STAG1: variants seen among roughly 807,000 people sequenced by gnomAD.
STAG1 encodes the protein cohesin subunit SA-1.
In STAG1, 26 loss-of-function variants were observed where a neutral mutation model predicts 170.9. That is an observed-to-expected ratio of 0.15 (90% confidence interval 0.11 to 0.21). The LOEUF is 0.21. STAG1 is among the 10% of genes least tolerant of loss of function. The probability of loss-of-function intolerance (pLI) is 1.00; values close to 1 mark genes in which losing one functional copy is unlikely to be tolerated. For synonymous variants in STAG1, 514 were observed against 497.7 expected (o/e 1.03, Z -0.44); for missense variants, 964 against 1,509.5 (o/e 0.64, Z 5.99).
intron 22 of STAG1, among the ~76,000 whole-genome samples, chr3:136,387,175 A>G (rs1158176801): frequency 6.6e-6 from 1 of 152,244 alleles, no homozygotes; most frequent in African/African-American, 2.4e-5. Context: ...CAGATAGTAA[A>G]TATTTTAGGC....
chr3:136,507,715 C>T (rs1174530339), intron 7 of STAG1, among the ~76,000 whole-genome samples: 1 of 152,040 alleles, frequency 6.6e-6, no homozygotes, highest in Non-Finnish European at 1.5e-5. Context: ...CTACTCATCA[C>T]TATTTTTTAA....
intron 1 of STAG1, among the ~76,000 whole-genome samples, chr3:136,659,475 C>T (rs1941502881): frequency 6.6e-6 from 1 of 152,160 alleles, no homozygotes; most frequent in Admixed American, 6.5e-5. Flanking sequence ...GTTGCCATAG[C>T]AACAGCTGCT....
At chr3:136,361,349 T>C (rs1415613290) in intron 26 of STAG1, among the ~76,000 whole-genome samples, 1 of 152,236 alleles carries the variant, frequency 6.6e-6, no homozygotes, top group African/African-American at 2.4e-5. Context: ...TTCCAGTTTG[T>C]TACTATTACA....
chr3:136,509,795 C>A (rs1933955147), intron 7 of STAG1, among the ~76,000 whole-genome samples: 1 of 152,180 alleles, frequency 6.6e-6, no homozygotes, highest in Non-Finnish European at 1.5e-5. Context: ...ATTTGCATTT[C>A]TGTCTTGCTA....
At position 136,568,782 on chromosome 3, in the gene STAG1, T is replaced by C; in HGVS notation, c.377A>G (p.Gln126Arg). ...TTCTGTACCTCGACATCCTGAACACTGGATAAAAAAGTTGATTAAATCCAG... is the reference window on the plus strand; with the variant it reads ...TTCTGTACCTCGACATCCTGAACACCGGATAAAAAAGTTGATTAAATCCAG... ...ALLDLINFFI[Q>R]CSGCRGTVRI... The change falls in exon 5 of 34, where the codon CAG becomes CGG. Residue 126 changes from glutamine to arginine, a missense_variant. By Grantham distance (43) the Gln-to-Arg change is conservative. Coordinates refer to ENST00000383202, the MANE Select transcript of STAG1 (RefSeq NM_005862.3). 6.2e-7 allele frequency: 1 copy of C among 1,611,722 alleles called. No individual in the cohort carries two copies. Among genetic ancestry groups the C allele is most frequent in the Non-Finnish European group, 8.5e-7 (1 of 1,178,930 alleles).
At position 136,571,818 on chromosome 3, in the gene STAG1, C is replaced by T. The variant is rs183403542; in HGVS notation, c.298-2957G>A. On this transcript the variant is annotated intron_variant, in intron 4 of 33. Transcript: ENST00000383202. ...ATCACTTGAGCCCAGGAGTTTGAGG[C>T]TACAGTGAACTATTACCATGCTAAC... Among the ~76,000 whole-genome samples, 1,102 of 152,168 alleles carry T rather than the reference C, an allele frequency of 7.2e-3. 15 individuals carry two copies. The highest frequency in any genetic ancestry group is 0.024 in the African/African-American group (992 of 41,532).
intron 6 of STAG1, among the ~76,000 whole-genome samples, chr3:136,540,323 C>CA (rs34451527): frequency 3.1e-3 from 380 of 123,306 alleles, no homozygotes; most frequent in South Asian, 0.018. Flanking sequence ...TACTATCAAA[C>CA]AAAAAAAAAA....
At chr3:136,473,215 A>C (rs1347916166) in intron 11 of STAG1, among the ~76,000 whole-genome samples, 2 of 152,184 alleles carry the variant, frequency 1.3e-5, no homozygotes, top group African/African-American at 4.8e-5. Flanking sequence ...GTTGCAGGAA[A>C]ACAAGTTCAG....
intron 4 of STAG1, among the ~76,000 whole-genome samples, chr3:136,585,960 G>T (rs1282239050): frequency 6.6e-6 from 1 of 152,142 alleles, no homozygotes; most frequent in Non-Finnish European, 1.5e-5. Flanking sequence ...AATTTATTGA[G>T]AAAGAATTTT....
At chr3:136,361,275 T>G (rs1936853544) in intron 26 of STAG1, among the ~76,000 whole-genome samples, 1 of 152,214 alleles carries the variant, frequency 6.6e-6, no homozygotes, top group Non-Finnish European at 1.5e-5. Context: ...ATATTTTGTC[T>G]TAAAAATCCT....
At chr3:136,368,984 C>A in intron 24 of STAG1, 124 bp downstream of exon 24, 6 of 918,136 alleles carry the variant, frequency 6.5e-6, no homozygotes, top group Non-Finnish European at 9.0e-6. Context: ...AGCCACTGCA[C>A]CTGGCCAACT....
intron 7 of STAG1, among the ~76,000 whole-genome samples, chr3:136,503,087 C>T (rs570860516): frequency 9.2e-5 from 14 of 152,124 alleles, no homozygotes; most frequent in Non-Finnish European, 1.8e-4. Flanking sequence ...AAAATACACA[C>T]GTAAGGGCAC....
At chr3:136,340,152 TAA>T (rs1935908716) in intron 32 of STAG1, among the ~76,000 whole-genome samples, 1 of 152,154 alleles carries the variant, frequency 6.6e-6, no homozygotes, top group Non-Finnish European at 1.5e-5. Context: ...AATAAGAGGA[TAA>T]TTTTTTTTTG....
At chr3:136,676,053 C>T (rs1942120506) in intron 1 of STAG1, among the ~76,000 whole-genome samples, 1 of 152,358 alleles carries the variant, frequency 6.6e-6, no homozygotes, top group South Asian at 2.1e-4. Flanking sequence ...GGACTGAACA[C>T]TGCAGGCAAC....
intron 20 of STAG1, among the ~76,000 whole-genome samples, chr3:136,419,554 C>T (rs67971203): frequency 0.16 from 24,869 of 151,294 alleles, 3,352 homozygotes; most frequent in African/African-American, 0.38. Flanking sequence ...AAGCGATTCT[C>T]GTGCCATAGC....
intron 5 of STAG1, among the ~76,000 whole-genome samples, chr3:136,557,473 G>A (rs1477418277): frequency 6.6e-6 from 1 of 152,158 alleles, no homozygotes; most frequent in Non-Finnish European, 1.5e-5. Context: ...ACATAAACTA[G>A]AAAGCTTTTA....
In STAG1 at chr3:136,363,466, T is replaced by C. The variant is rs1936952111; in HGVS notation, c.2687A>G (p.Tyr896Cys). 1.4e-6 allele frequency: 2 copies of C among 1,401,368 alleles called. No homozygotes were observed. The highest frequency in any genetic ancestry group is 2.0e-6 in the Non-Finnish European group (2 of 1,017,782). The allele number at this position is 1,401,368 out of a possible 1,614,324, so 86.8% of individuals were successfully genotyped here. A position where few individuals can be genotyped will look rare whatever the true frequency, so the allele number is the denominator to read the frequency against. ...AADIFKHYMK[Y>C]YNDYGDIIKE... ...AATAATATCACCATAGTCATTGTAATACTGTGAGGGAAAGAAAGAAAACAT... is the reference window on the plus strand; with the variant it reads ...AATAATATCACCATAGTCATTGTAACACTGTGAGGGAAAGAAAGAAAACAT... Residue 896 changes from tyrosine (Y) to cysteine (C), a missense_variant and splice_region_variant, in exon 26 of 34, where the codon TAT becomes TGT. Tyr to Cys is a radical substitution (Grantham distance 194). Transcript: ENST00000383202.
intron 12 of STAG1, among the ~76,000 whole-genome samples, chr3:136,468,619 T>G (rs1054612278): frequency 3.3e-5 from 5 of 152,072 alleles, no homozygotes; most frequent in Non-Finnish European, 7.4e-5. Flanking sequence ...ACTATTCCAA[T>G]CAACAGAAAA....
At chr3:136,384,579 G>A (rs1188378763) in intron 22 of STAG1, among the ~76,000 whole-genome samples, 1 of 151,982 alleles carries the variant, frequency 6.6e-6, no homozygotes, top group Non-Finnish European at 1.5e-5. Context: ...TACCAGCCTG[G>A]CCAAACAGGT....
Sources: allele counts gnomAD v4.1 joint callset (sites outside exome capture counted in the v4.1 genomes callset), GRCh38; gene constraint gnomAD v4.1.1; transcripts MANE v1.5; gene names NCBI Gene and HGNC (gene_info 2026-07-23, HGNC 2026-07-21).